STIMATE: variants seen among roughly 807,000 people sequenced by gnomAD.
STIMATE encodes the protein store-operated calcium entry regulator STIMATE.
Under a neutral mutation model 36.7 loss-of-function variants are expected in STIMATE, and 15 were observed. The ratio of observed to expected loss-of-function variants is 0.41; its 90% CI spans 0.27 to 0.63. The LOEUF (loss-of-function observed/expected upper bound fraction) is 0.63. Among genes scored for constraint, STIMATE ranks in the 20% least tolerant of loss-of-function variants. The pLI is 0.32. For missense variants in STIMATE, 305 were observed against 397.3 expected, an observed-to-expected ratio of 0.77 and a Z score of 1.98; for synonymous variants, 163 against 162.3, an observed-to-expected ratio of 1.00 and a Z score of -0.03.
intron 1 of STIMATE, among the ~76,000 whole-genome samples, chr3:52,862,560 T>C (rs1701235906): frequency 6.6e-6 from 1 of 152,256 alleles, no homozygotes; most frequent in Admixed American, 6.5e-5. Context: ...GGAGAGTATA[T>C]AAAATTCAAA....
At chr3:52,864,939 GTCTC>G (rs1434869291) in intron 1 of STIMATE, among the ~76,000 whole-genome samples, 1 of 149,718 alleles carries the variant, frequency 6.7e-6, no homozygotes, top group Non-Finnish European at 1.5e-5. Context: ...CACTCAACAA[GTCTC>G]TCTCTTTTCT....
intron 1 of STIMATE, among the ~76,000 whole-genome samples, chr3:52,856,336 A>C (rs1400789019): frequency 6.6e-6 from 1 of 152,218 alleles, no homozygotes; most frequent in East Asian, 1.9e-4. Context: ...ACGAAAAGCC[A>C]GGGAAGAGTT....
intron 1 of STIMATE, among the ~76,000 whole-genome samples, chr3:52,861,931 C>T (rs1701221845): frequency 6.6e-6 from 1 of 152,174 alleles, no homozygotes; most frequent in Non-Finnish European, 1.5e-5. Context: ...TTCTGTCCTC[C>T]CTACACAGCC....
chr3:52,895,417 A>G (rs1039879840), intron 1 of STIMATE, among the ~76,000 whole-genome samples: 11 of 152,002 alleles, frequency 7.2e-5, no homozygotes, highest in African/African-American at 2.4e-5. Context: ...TCTTCTCCCC[A>G]TCACTCCTAC....
Position 52,842,819 on chromosome 3 carries a change from C to CA in STIMATE, c.759dup (p.Glu254Ter), listed in dbSNP as rs1559488240. The CA allele has an allele frequency of 1.2e-6, 2 of 1,614,234 alleles. No homozygotes were observed. The highest frequency in any genetic ancestry group is 1.7e-6 in the Non-Finnish European group (2 of 1,180,050). ...AGTCAGGGAGGCCCTACCTCAGACTCAGACTCCTCGTGGGATGCGGCCCTC... is the reference window on the plus strand; with the variant it reads ...AGTCAGGGAGGCCCTACCTCAGACTCAAGACTCCTCGTGGGATGCGGCCCTC... On this transcript the variant is annotated frameshift_variant, in exon 7 of 8. Coordinates refer to ENST00000355083, the MANE Select transcript of STIMATE (RefSeq NM_198563.5). LOFTEE classifies it high-confidence loss of function.
Position 52,854,467 on chromosome 3 carries a change from C to T in STIMATE, c.209+929G>A, listed in dbSNP as rs58562470. ...AATCCCTAAACAATGGGATTTGGAG[C>T]GCTTCCGGGCTGGTGAACACATCCA... On this transcript the variant is annotated intron_variant, in intron 2 of 7. Coordinates refer to ENST00000355083, the MANE Select transcript of STIMATE (RefSeq NM_198563.5). Among the ~76,000 whole-genome samples, 978 of 152,336 alleles carry T rather than the reference C, an allele frequency of 6.4e-3. 11 individuals are homozygous for T. Among genetic ancestry groups the T allele is most frequent in the African/African-American group, 0.022 (916 of 41,566 alleles).
chr3:52,874,409 C>T (rs368487261), intron 1 of STIMATE, among the ~76,000 whole-genome samples: 7 of 152,208 alleles, frequency 4.6e-5, no homozygotes, highest in Non-Finnish European at 8.8e-5. Flanking sequence ...AAAAGATACA[C>T]ACACACACAG....
intron 1 of STIMATE, among the ~76,000 whole-genome samples, chr3:52,860,150 C>T (rs1275190100): frequency 4.1e-5 from 6 of 146,604 alleles, no homozygotes; most frequent in Non-Finnish European, 7.5e-5. Context: ...CAGAAAAATT[C>T]ATTCATCTAC....
At chr3:52,893,913 C>CA (rs1292854228) in intron 1 of STIMATE, among the ~76,000 whole-genome samples, 18 of 152,176 alleles carry the variant, frequency 1.2e-4, no homozygotes, top group South Asian at 2.1e-4. Context: ...CAAACACCCC[C>CA]AAATGCCAAC....
chr3:52,840,635 T>C (rs1700780588), intron 7 of STIMATE, 25 bp from the exon 8 acceptor site: 3 of 1,602,786 alleles, frequency 1.9e-6, no homozygotes, highest in Admixed American at 1.7e-5. Flanking sequence ...AGGCAGGGCC[T>C]GAGTCACCCC....
chr3:52,896,024 A>G (rs934238104), intron 1 of STIMATE: 5 of 1,118,610 alleles, frequency 4.5e-6, no homozygotes, highest in Non-Finnish European at 6.0e-6. Flanking sequence ...AAAGGAAAGA[A>G]AAAGTGGCAA....
Position 52,839,452 on chromosome 3 carries a change from T to C in STIMATE, c.*1042A>G, listed in dbSNP as rs1198124697. Reference sequence around the variant, plus strand: ...ACAGGCAGACTGCACAGGAGTCTGGTAGTCTTGGGTCCTCTGGAAACAAAG... The same window carrying C: ...ACAGGCAGACTGCACAGGAGTCTGGCAGTCTTGGGTCCTCTGGAAACAAAG... On this transcript the variant is annotated 3_prime_UTR_variant, in exon 8 of 8. Coordinates refer to ENST00000355083, the MANE Select transcript of STIMATE (RefSeq NM_198563.5). 2 of 152,228 alleles carry C rather than the reference T, an allele frequency of 1.3e-5. No homozygotes were observed. The highest frequency in any genetic ancestry group is 4.8e-5 in the African/African-American group (2 of 41,448). 9.4% of individuals were successfully genotyped at this position (152,228 alleles called of 1,614,324 possible).
intron 2 of STIMATE, among the ~76,000 whole-genome samples, chr3:52,853,299 T>C (rs775317363): frequency 5.9e-5 from 9 of 152,286 alleles, no homozygotes; most frequent in Middle Eastern, 3.4e-3. Context: ...CTGAGGGCTG[T>C]AGTGTGCCAG....
At chr3:52,888,436 A>C (rs190976926) in intron 1 of STIMATE, among the ~76,000 whole-genome samples, 1 of 152,054 alleles carries the variant, frequency 6.6e-6, no homozygotes, top group East Asian at 1.9e-4. Context: ...TTTGCCCAAA[A>C]CTCTGTACCC....
At chr3:52,850,046 C>T in intron 3 of STIMATE, 133 bp from the exon 4 acceptor site, 1 of 1,411,310 alleles carries the variant, frequency 7.1e-7, no homozygotes, top group South Asian at 1.5e-5. Flanking sequence ...TGGGAGCCCT[C>T]ATGTGCCAGT....
intron 4 of STIMATE, 78 bp from the exon 5 acceptor site, chr3:52,845,019 C>T: frequency 6.8e-7 from 1 of 1,474,900 alleles, no homozygotes; most frequent in Non-Finnish European, 9.3e-7. Context: ...CACTCCCCCA[C>T]ACGCACCCCA....
chr3:52,859,974 A>G (rs747104480), intron 1 of STIMATE, among the ~76,000 whole-genome samples: 8 of 151,798 alleles, frequency 5.3e-5, no homozygotes, highest in South Asian at 2.1e-4. Flanking sequence ...CTTCTGAATC[A>G]GAGCAGAAGT....
At chr3:52,854,473 C>T (rs916686171) in intron 2 of STIMATE, among the ~76,000 whole-genome samples, 18 of 152,328 alleles carry the variant, frequency 1.2e-4, no homozygotes, top group Admixed American at 9.1e-4. Flanking sequence ...GGAGCGCTTC[C>T]GGGCTGGTGA....
At chr3:52,842,988 T>C (rs772204571) in intron 6 of STIMATE, 28 bp from the exon 7 acceptor site, 2 of 1,613,946 alleles carry the variant, frequency 1.2e-6, no homozygotes, top group South Asian at 1.1e-5. Context: ...GCAGGTTACT[T>C]TGGGATAAAC....
Sources: allele counts gnomAD v4.1 joint callset (sites outside exome capture counted in the v4.1 genomes callset), GRCh38; gene constraint gnomAD v4.1.1; transcripts MANE v1.5; gene names NCBI Gene and HGNC (gene_info 2026-07-23, HGNC 2026-07-21).